The following ATG10 variants were observed in gnomAD, a reference collection of about 807,000 sequenced individuals.
ATG10 encodes ubiquitin-like-conjugating enzyme ATG10.
In ATG10, 30 loss-of-function variants were observed where a neutral mutation model predicts 32.1. The ratio of observed to expected loss-of-function variants is 0.94; its 90% confidence interval spans 0.70 to 1.27. The LOEUF (loss-of-function observed/expected upper bound fraction) is 1.27. Ranked by LOEUF, ATG10 falls within the 50% of genes most tolerant of loss-of-function variation. ATG10 has a pLI of 0.00. For missense variants in ATG10, 233 were observed against 262.3 expected (o/e 0.89, Z 0.77); for synonymous variants, 87 against 91.5 (o/e 0.95, Z 0.28).
intron 3 of ATG10, among the ~76,000 whole-genome samples, chr5:82,120,728 C>G (rs1766009140): frequency 1.3e-5 from 2 of 151,916 alleles, no homozygotes; most frequent in African/African-American, 4.8e-5. Context: ...ATATTCTTCT[C>G]AAGGCAACAT....
intron 3 of ATG10, among the ~76,000 whole-genome samples, chr5:82,066,643 G>A (rs1390413635): frequency 1.3e-5 from 2 of 152,098 alleles, no homozygotes; most frequent in Admixed American, 1.3e-4. Flanking sequence ...CTGAGAATCA[G>A]TAACAGGAGA....
At chr5:82,253,799 C>A (rs1283268885) in intron 7 of ATG10, among the ~76,000 whole-genome samples, 1 of 152,190 alleles carries the variant, frequency 6.6e-6, no homozygotes, top group Non-Finnish European at 1.5e-5. Context: ...TTATGAGATT[C>A]TAACCAATGC....
At chr5:81,993,373 CT>C (rs1388896677) in intron 2 of ATG10, among the ~76,000 whole-genome samples, 4,399 of 35,400 alleles carry the variant, frequency 0.12, 364 homozygotes, top group East Asian at 0.22. Context: ...CTTTTCTTTT[CT>C]TTTCTTTTCT....
In ATG10 at chr5:82,150,392, T is replaced by G. The variant is rs113889539; in HGVS notation, c.217-14007T>G. ...TAGCACTTTAATAAAATTAGCATTT[T>G]TCTTCCCATGCAAATAATTCTTTGC... On this transcript the variant is annotated intron_variant, in intron 3 of 7. Coordinates refer to ENST00000282185, the MANE Select transcript of ATG10 (RefSeq NM_031482.5). 6.7e-3 allele frequency among the ~76,000 whole-genome samples: 1,023 copies of G among 152,338 alleles called. 2 individuals carry two copies. Among genetic ancestry groups the G allele is most frequent in the Non-Finnish European group, 0.012 (783 of 68,020 alleles).
chr5:82,030,379 G>A (rs1762711751), intron 2 of ATG10, among the ~76,000 whole-genome samples: 1 of 152,054 alleles, frequency 6.6e-6, no homozygotes, highest in African/African-American at 2.4e-5. Flanking sequence ...CTCCCTAGTT[G>A]GATTAGCCAC....
At chr5:82,235,189 T>A (rs777171528) in intron 5 of ATG10, among the ~76,000 whole-genome samples, 1 of 152,140 alleles carries the variant, frequency 6.6e-6, no homozygotes. Flanking sequence ...TTTCCTTTCC[T>A]CTATTCATGC....
Position 82,091,573 on chromosome 5 carries a change from G to A in ATG10, c.216+32971G>A, listed in dbSNP as rs192429728. On this transcript the variant is annotated intron_variant, in intron 3 of 7. Transcript: ENST00000282185. ...ACACTGTTAATTTGCTTTTTTGGTA[G>A]CGAGATCAGATTTAATCTTACTATT... Among the ~76,000 whole-genome samples, 561 of 152,218 alleles carry A rather than the reference G, an allele frequency of 3.7e-3. 1 individual carries two copies. Among genetic ancestry groups the A allele is most frequent in the Non-Finnish European group, 6.5e-3 (443 of 68,014 alleles).
At chr5:82,211,776 A>G (rs914573556) in intron 5 of ATG10, among the ~76,000 whole-genome samples, 2 of 152,114 alleles carry the variant, frequency 1.3e-5, no homozygotes, top group Non-Finnish European at 2.9e-5. Context: ...AGCGTCCCCC[A>G]ACTTCATTGG....
At position 82,253,308 on chromosome 5, in the gene ATG10, T is replaced by TCCTAGGAATGTCAACTATA. The variant is rs1358106891; in HGVS notation, c.552-5_565dup. ...TAGCATGGCCTGTATTTCACTTGTT[T>TCCTAGGAATGTCAACTATA]CCTAGGAATGTCAACTATATCACAT... On this transcript the variant is annotated splice_region_variant and splice_polypyrimidine_tract_variant and intron_variant, in intron 6 of 7. Coordinates refer to ENST00000282185, the MANE Select transcript of ATG10 (RefSeq NM_031482.5). The TCCTAGGAATGTCAACTATA allele has an allele frequency of 4.4e-6, 7 of 1,592,444 alleles. No individual in the cohort carries two copies. Among genetic ancestry groups the TCCTAGGAATGTCAACTATA allele is most frequent in the Non-Finnish European group, 6.0e-6 (7 of 1,160,410 alleles).
intron 2 of ATG10, among the ~76,000 whole-genome samples, chr5:82,019,977 A>C (rs1032505285): frequency 6.6e-6 from 1 of 152,188 alleles, no homozygotes; most frequent in African/African-American, 2.4e-5. Flanking sequence ...GACTGCCTGG[A>C]TTAGGGAAGT....
At chr5:82,222,566 G>A (rs1205104933) in intron 5 of ATG10, among the ~76,000 whole-genome samples, 1 of 152,164 alleles carries the variant, frequency 6.6e-6, no homozygotes, top group Non-Finnish European at 1.5e-5. Context: ...CTATGTGTTA[G>A]TATAGAACAT....
chr5:82,052,342 C>T (rs1269178776), intron 2 of ATG10, among the ~76,000 whole-genome samples: 1 of 152,110 alleles, frequency 6.6e-6, no homozygotes, highest in Admixed American at 6.6e-5. Flanking sequence ...TGTACTAAAA[C>T]AGACCCAAAC....
At chr5:82,186,220 C>G (rs533467207) in intron 5 of ATG10, among the ~76,000 whole-genome samples, 2 of 152,294 alleles carry the variant, frequency 1.3e-5, no homozygotes, top group South Asian at 2.1e-4. Flanking sequence ...ATTGTTTTCT[C>G]TGTAATTCAC....
intron 5 of ATG10, among the ~76,000 whole-genome samples, chr5:82,199,337 TG>T (rs1026447056): frequency 1.3e-5 from 2 of 152,200 alleles, no homozygotes; most frequent in African/African-American, 4.8e-5. Context: ...TCCCAAGTCT[TG>T]ACAGCTAACT....
At chr5:82,172,092 T>C (rs973929708) in intron 4 of ATG10, among the ~76,000 whole-genome samples, 1 of 151,770 alleles carries the variant, frequency 6.6e-6, no homozygotes, top group African/African-American at 2.4e-5. Flanking sequence ...TGTCCATGAG[T>C]GATAGGGGAA....
intron 5 of ATG10, among the ~76,000 whole-genome samples, chr5:82,192,780 A>G (rs1396654340): frequency 6.6e-6 from 1 of 152,216 alleles, no homozygotes; most frequent in Non-Finnish European, 1.5e-5. Context: ...AAAATAAAGC[A>G]CTGCTGGTCA....
intron 1 of ATG10, among the ~76,000 whole-genome samples, chr5:81,980,039 G>A (rs1278094896): frequency 6.6e-6 from 1 of 151,944 alleles, no homozygotes. Flanking sequence ...ACTGAAACAC[G>A]AATGTGATTT....
chr5:82,157,312 C>G (rs893476129), intron 3 of ATG10, among the ~76,000 whole-genome samples: 1 of 152,104 alleles, frequency 6.6e-6, no homozygotes, highest in Non-Finnish European at 1.5e-5. Context: ...AGATATTATC[C>G]TTGGGATCAT....
chr5:82,108,728 A>G (rs1403282750), intron 3 of ATG10, among the ~76,000 whole-genome samples: 2 of 152,014 alleles, frequency 1.3e-5, no homozygotes, highest in East Asian at 3.9e-4. Flanking sequence ...CAGAGACATT[A>G]CAAAGGTATA....
Sources: allele counts gnomAD v4.1 joint callset (sites outside exome capture counted in the v4.1 genomes callset), GRCh38; gene constraint gnomAD v4.1.1; transcripts MANE v1.5; gene names NCBI Gene and HGNC (gene_info 2026-07-23, HGNC 2026-07-21).